Variants in LPAR3 observed in about 807,000 individuals in gnomAD.
LPAR3 encodes lysophosphatidic acid receptor 3.
Under a neutral mutation model 17.8 loss-of-function variants are expected in LPAR3, and 7 were observed. The observed-to-expected ratio is 0.39, with a 90% confidence interval of 0.22 to 0.74. The LOEUF (loss-of-function observed/expected upper bound fraction) is 0.74. Among genes scored for constraint, LPAR3 ranks in the 30% least tolerant of loss-of-function variants. LPAR3 has a pLI of 0.40. For missense variants in LPAR3, 391 were observed against 453.4 expected, an observed-to-expected ratio of 0.86 and a Z score of 1.25; for synonymous variants, 179 against 179.9, an observed-to-expected ratio of 0.99 and a Z score of 0.04.
intron 1 of LPAR3, among the ~76,000 whole-genome samples, chr1:84,868,321 G>C (rs1251042301): frequency 6.6e-6 from 1 of 152,102 alleles, no homozygotes; most frequent in Non-Finnish European, 1.5e-5. Context: ...TGTTGGCCAG[G>C]ATGGTCTCGA....
intron 2 of LPAR3, among the ~76,000 whole-genome samples, chr1:84,827,751 T>C (rs1659190803): frequency 1.3e-5 from 2 of 152,184 alleles, no homozygotes; most frequent in Admixed American, 1.3e-4. Context: ...CTCTGAAGAA[T>C]GACATCATGA....
In LPAR3 at chr1:84,865,954, A is replaced by G. The variant is rs748073752; in HGVS notation, c.167T>C (p.Ile56Thr). Residue 56 changes from isoleucine to threonine, a missense_variant, in exon 2 of 3, where the codon ATC (isoleucine) becomes ACC (threonine). By Grantham distance (89) the Ile-to-Thr change is moderately conservative. Transcript: ENST00000370611. The stretch of plus-strand genomic sequence containing the variant: ...GGGGAAATGAAATTTTCTGTTTTTG[A>G]TCACTGCCGCGATGACCAGAGAATT... Reference protein sequence around the residue: ...FSNSLVIAAVIKNRKFHFPFY... With the variant: ...FSNSLVIAAVTKNRKFHFPFY... 6.2e-7 allele frequency: 1 copy of G among 1,614,098 alleles called. No individual in the cohort carries two copies.
At chr1:84,840,323 T>G (rs1373504479) in intron 2 of LPAR3, among the ~76,000 whole-genome samples, 1 of 152,246 alleles carries the variant, frequency 6.6e-6, no homozygotes. Flanking sequence ...CAAGAGGAAC[T>G]GATCAAGATA....
chr1:84,883,616 T>G (rs914961946), intron 1 of LPAR3, among the ~76,000 whole-genome samples: 1 of 152,166 alleles, frequency 6.6e-6, no homozygotes, highest in African/African-American at 2.4e-5. Flanking sequence ...GATCCCACAG[T>G]GAGATGGGCA....
chr1:84,847,585 C>T (rs1383610168), intron 2 of LPAR3, among the ~76,000 whole-genome samples: 1 of 152,202 alleles, frequency 6.6e-6, no homozygotes, highest in Non-Finnish European at 1.5e-5. Context: ...TCTGAAGACC[C>T]CCCTGTCCTC....
Position 84,865,581 on chromosome 1 carries a change from G to C in LPAR3, c.540C>G (p.Ala180=). The C allele has an allele frequency of 6.2e-7, 1 of 1,614,196 alleles. No individual in the cohort carries two copies. Among genetic ancestry groups the C allele is most frequent in the Non-Finnish European group, 8.5e-7 (1 of 1,180,038 alleles). The change falls in exon 2 of 3, where the codon GCC becomes GCG. Residue 180 remains alanine, a synonymous_variant. Transcript: ENST00000370611. ...LCNISACSSL[A]PIYSRSYLVF... Reference sequence around the variant, plus strand: ...CAAGGTAACTCCTGCTGTAAATGGGGGCCAGGGAAGAGCAGGCAGAGATGT... The same window carrying C: ...CAAGGTAACTCCTGCTGTAAATGGGCGCCAGGGAAGAGCAGGCAGAGATGT...
Position 84,813,773 on chromosome 1 carries a change from T to C in LPAR3, c.*73A>G. 6 of 1,226,110 alleles carry C rather than the reference T, an allele frequency of 4.9e-6. No individual in the cohort carries two copies. The South Asian group carries it at 6.9e-5, about 14-fold the overall frequency. 76.0% of individuals were successfully genotyped at this position (1,226,110 alleles called of 1,614,324 possible). A position where few individuals can be genotyped will look rare whatever the true frequency, so the allele number is the denominator to read the frequency against. On this transcript the variant is annotated 3_prime_UTR_variant, in exon 3 of 3. Transcript: ENST00000370611. ...CAAATAACACTGTACATGGGCTTTG[T>C]TAGAGACAGGTAATCATTCTTAACA...
intron 1 of LPAR3, among the ~76,000 whole-genome samples, chr1:84,868,686 C>T (rs1268559074): frequency 2.6e-5 from 4 of 151,978 alleles, no homozygotes; most frequent in Admixed American, 6.6e-5. Flanking sequence ...ATTGAAGAGG[C>T]CTGAGAGAAC....
chr1:84,861,803 A>G (rs1220344245), intron 2 of LPAR3, among the ~76,000 whole-genome samples: 1 of 152,106 alleles, frequency 6.6e-6, no homozygotes, highest in Non-Finnish European at 1.5e-5. Flanking sequence ...CCAATTCCCC[A>G]ATGTTGTCTT....
chr1:84,891,498 G>T (rs1294235946), intron 1 of LPAR3, among the ~76,000 whole-genome samples: 1 of 152,178 alleles, frequency 6.6e-6, no homozygotes, highest in African/African-American at 2.4e-5. Context: ...CAAGCCTGGG[G>T]TTAACAGAGC....
intron 1 of LPAR3, among the ~76,000 whole-genome samples, chr1:84,879,354 C>T (rs555622782): frequency 2.4e-4 from 33 of 137,138 alleles, no homozygotes; most frequent in Non-Finnish European, 3.8e-4. Context: ...CTGTGTCGCC[C>T]AGGCTGGAGG....
intron 1 of LPAR3, among the ~76,000 whole-genome samples, chr1:84,877,231 A>G (rs1284936976): frequency 6.6e-6 from 1 of 152,252 alleles, no homozygotes; most frequent in African/African-American, 2.4e-5. Flanking sequence ...CTGCAGCCAG[A>G]TGCAAGGCAA....
rs1658828080 is a variant in LPAR3 at position 84,812,251 on chromosome 1, A to C, written c.*1595T>G. Reference sequence around the variant, plus strand: ...TATAAAAACATCTGTTCTCAAATGAACACCTCTTTCTCTTTTCTTGTACAG... The same window carrying C: ...TATAAAAACATCTGTTCTCAAATGACCACCTCTTTCTCTTTTCTTGTACAG... On this transcript the variant is annotated 3_prime_UTR_variant, in exon 3 of 3. Transcript: ENST00000370611. 1 of 152,060 alleles carries C rather than the reference A, an allele frequency of 6.6e-6. No homozygotes were observed. The highest frequency in any genetic ancestry group is 1.5e-5 in the Non-Finnish European group (1 of 68,038). 9.4% of individuals were successfully genotyped at this position (152,060 alleles called of 1,614,324 possible). A position where few individuals can be genotyped will look rare whatever the true frequency, so the allele number is the denominator to read the frequency against.
intron 1 of LPAR3, among the ~76,000 whole-genome samples, chr1:84,881,867 G>A (rs1294361939): frequency 6.6e-6 from 1 of 152,154 alleles, no homozygotes; most frequent in African/African-American, 2.4e-5. Context: ...GGCCCCCACA[G>A]CTAACATCAT....
rs148780497 is a variant in LPAR3 at position 84,840,584 on chromosome 1, C to T, written c.736+24801G>A. On this transcript the variant is annotated intron_variant, in intron 2 of 2. Transcript: ENST00000370611. Reference sequence around the variant, plus strand: ...ACAATAAACTTTTATGCATAAGGACCAAATTTATAATAAAGTTACAAGGAA... The same window carrying T: ...ACAATAAACTTTTATGCATAAGGACTAAATTTATAATAAAGTTACAAGGAA... Among the ~76,000 whole-genome samples the T allele has an allele frequency of 1.8e-3, 275 of 152,172 alleles. 1 individual carries two copies. The highest frequency in any genetic ancestry group is 6.4e-3 in the African/African-American group (264 of 41,518).
chr1:84,830,975 C>T (rs1570865225), intron 2 of LPAR3, among the ~76,000 whole-genome samples: 1 of 152,276 alleles, frequency 6.6e-6, no homozygotes, highest in Middle Eastern at 3.4e-3. Context: ...CTATCATGAG[C>T]ACACTGATAC....
chr1:84,829,152 A>ATTTTTT (rs56095946), intron 2 of LPAR3, among the ~76,000 whole-genome samples: 4 of 55,526 alleles, frequency 7.2e-5, no homozygotes, highest in African/African-American at 9.8e-5. Context: ...CCTCTCTGCA[A>ATTTTTT]TTTTTTTTTT....
chr1:84,834,070 T>C (rs1248293307), intron 2 of LPAR3, among the ~76,000 whole-genome samples: 1 of 152,210 alleles, frequency 6.6e-6, no homozygotes, highest in Non-Finnish European at 1.5e-5. Flanking sequence ...ACCTGCGTGG[T>C]AGAAGTAGTG....
intron 1 of LPAR3, among the ~76,000 whole-genome samples, chr1:84,882,079 A>T (rs1388009770): frequency 6.6e-6 from 1 of 152,242 alleles, no homozygotes; most frequent in Non-Finnish European, 1.5e-5. Context: ...TATATGAAGA[A>T]ATCACCAAAG....
Sources: allele counts gnomAD v4.1 joint callset (sites outside exome capture counted in the v4.1 genomes callset), GRCh38; gene constraint gnomAD v4.1.1; transcripts MANE v1.5; gene names NCBI Gene and HGNC (gene_info 2026-07-23, HGNC 2026-07-21).